The following ANKRD55 variants were observed in gnomAD, a reference collection of about 807,000 sequenced individuals.
ANKRD55 encodes the protein ankyrin repeat domain-containing protein 55.
Under a neutral mutation model 60.6 loss-of-function variants are expected in ANKRD55, and 41 were observed. The observed-to-expected ratio is 0.68, with a 90% CI of 0.53 to 0.88. The LOEUF (loss-of-function observed/expected upper bound fraction) is 0.88. Ranked by LOEUF, ANKRD55 falls within the 40% of genes least tolerant of loss-of-function variation. ANKRD55 has a pLI of 0.00. For missense variants in ANKRD55, 732 were observed against 767.6 expected (o/e 0.95, Z 0.55); for synonymous variants, 264 against 290.3 (o/e 0.91, Z 0.92).
chr5:56,221,869 C>T (rs1168974936), intron 2 of ANKRD55, among the ~76,000 whole-genome samples: 1 of 152,220 alleles, frequency 6.6e-6, no homozygotes, highest in Non-Finnish European at 1.5e-5. Context: ...GGGTGGAGCC[C>T]ACCGCAGTTC....
Position 56,166,254 on chromosome 5 carries a change from TTTCC to T in ANKRD55, c.422+4436_422+4439del, listed in dbSNP as rs201171927. 6.6e-3 allele frequency among the ~76,000 whole-genome samples: 967 copies of T among 145,474 alleles called. 27 individuals carry two copies. The highest frequency in any genetic ancestry group is 0.023 in the African/African-American group (871 of 38,234). On this transcript the variant is annotated intron_variant, in intron 5 of 11. Coordinates refer to ENST00000341048, the MANE Select transcript of ANKRD55 (RefSeq NM_024669.3). ...CTTTCTCTCTATCTTTCTCTCTTTC[TTTCC>T]TTCCTTCCTTCCTTCCTTCCTTCGG...
chr5:56,167,174 GT>G (rs1235665186), intron 5 of ANKRD55, among the ~76,000 whole-genome samples: 4 of 152,178 alleles, frequency 2.6e-5, no homozygotes, highest in Admixed American at 2.6e-4. Flanking sequence ...GAAATGTGTC[GT>G]TTGGCGATTT....
chr5:56,210,035 T>C (rs1265884759), intron 2 of ANKRD55, among the ~76,000 whole-genome samples: 1 of 151,832 alleles, frequency 6.6e-6, no homozygotes, highest in Non-Finnish European at 1.5e-5. Context: ...TGAGATGGAG[T>C]CTCGTTCTGT....
intron 2 of ANKRD55, among the ~76,000 whole-genome samples, chr5:56,206,227 T>A (rs1759505724): frequency 6.6e-6 from 1 of 152,082 alleles, no homozygotes; most frequent in Non-Finnish European, 1.5e-5. Flanking sequence ...TTTTCCTCCC[T>A]CAGCCTCCTA....
intron 4 of ANKRD55, among the ~76,000 whole-genome samples, chr5:56,173,582 CTATATATATA>C (rs1182603115): frequency 1.8e-4 from 8 of 45,240 alleles, no homozygotes; most frequent in African/African-American, 6.1e-4. Context: ...CTCTCTCTCT[CTATATATATA>C]TATATATATA....
intron 2 of ANKRD55, among the ~76,000 whole-genome samples, chr5:56,223,003 T>C (rs1332414012): frequency 1.3e-5 from 2 of 152,040 alleles, no homozygotes; most frequent in Non-Finnish European, 2.9e-5. Flanking sequence ...ATACAGAGAA[T>C]GCCACAAAGA....
At chr5:56,205,146 C>T (rs543433679) in intron 2 of ANKRD55, among the ~76,000 whole-genome samples, 4 of 152,244 alleles carry the variant, frequency 2.6e-5, no homozygotes, top group East Asian at 1.9e-4. Context: ...CTGCAAGCTC[C>T]GCTTCCTGGG....
chr5:56,212,172 A>G (rs962491503), intron 2 of ANKRD55, among the ~76,000 whole-genome samples: 13 of 152,148 alleles, frequency 8.5e-5, no homozygotes, highest in African/African-American at 3.1e-4. Context: ...TCAGTTGGGT[A>G]TTGAAATAAA....
intron 9 of ANKRD55, among the ~76,000 whole-genome samples, chr5:56,113,986 C>A (rs1308806396): frequency 3.6e-5 from 5 of 139,150 alleles, no homozygotes; most frequent in African/African-American, 5.2e-5. Context: ...AATATGTATA[C>A]TATATATATA....
chr5:56,165,761 C>A (rs1008888719), intron 5 of ANKRD55, among the ~76,000 whole-genome samples: 1 of 152,078 alleles, frequency 6.6e-6, no homozygotes, highest in African/African-American at 2.4e-5. Flanking sequence ...GAAACCCCAT[C>A]TCTACTAAAA....
chr5:56,129,392 T>C (rs1474398787), intron 7 of ANKRD55, among the ~76,000 whole-genome samples: 1 of 152,252 alleles, frequency 6.6e-6, no homozygotes, highest in East Asian at 1.9e-4. Flanking sequence ...AGTTTGTTTT[T>C]GTTGTATTTA....
intron 2 of ANKRD55, among the ~76,000 whole-genome samples, chr5:56,228,709 GC>G (rs1760176862): frequency 6.6e-6 from 1 of 152,172 alleles, no homozygotes; most frequent in African/African-American, 2.4e-5. Flanking sequence ...ACAGGCATGA[GC>G]CACTGCACCC....
intron 2 of ANKRD55, among the ~76,000 whole-genome samples, chr5:56,190,271 T>G (rs1561286570): frequency 6.6e-6 from 1 of 152,236 alleles, no homozygotes; most frequent in Non-Finnish European, 1.5e-5. Flanking sequence ...TCTCATTCTG[T>G]GGGTTGCCTT....
chr5:56,119,767 T>C (rs1012563257), intron 8 of ANKRD55, among the ~76,000 whole-genome samples: 8 of 151,352 alleles, frequency 5.3e-5, no homozygotes, highest in Non-Finnish European at 7.4e-5. Flanking sequence ...AATATAAAAA[T>C]TAGTTGGATG....
intron 7 of ANKRD55, among the ~76,000 whole-genome samples, chr5:56,132,424 C>CAAAAAAAAAAAAAAAAAAAAAAAAAAA (rs34289990): frequency 3.3e-5 from 4 of 120,372 alleles, no homozygotes; most frequent in African/African-American, 1.5e-4. Flanking sequence ...ACTTAAAATA[C>CAAAAAAAAAAAAAAAAAAAAAAAAAAA]AAAAAAAAAA....
intron 7 of ANKRD55, among the ~76,000 whole-genome samples, chr5:56,142,379 TCC>T (rs1561267547): frequency 1.3e-5 from 2 of 152,004 alleles, no homozygotes; most frequent in African/African-American, 2.4e-5. Flanking sequence ...ACCCAGCGAT[TCC>T]ACCCTGTGAG....
intron 2 of ANKRD55, chr5:56,192,963 G>A (rs1759137065): frequency 1.4e-6 from 1 of 695,804 alleles, no homozygotes; most frequent in Non-Finnish European, 2.4e-6. Context: ...ACCAAAGCAG[G>A]CAGAGATGAG....
At chr5:56,103,367 G>A (rs539134795) in intron 10 of ANKRD55, among the ~76,000 whole-genome samples, 2 of 152,182 alleles carry the variant, frequency 1.3e-5, no homozygotes, top group Non-Finnish European at 2.9e-5. Flanking sequence ...CTCCTGGAAA[G>A]CTAGCTGTTA....
At chr5:56,162,722 T>G (rs972934268) in intron 5 of ANKRD55, among the ~76,000 whole-genome samples, 1 of 150,500 alleles carries the variant, frequency 6.6e-6, no homozygotes, top group African/African-American at 2.5e-5. Context: ...CAGGCTGGAG[T>G]GCAGTGGCAC....
Sources: gnomAD v4.1 joint callset for allele counts (sites outside exome capture counted in the v4.1 genomes callset) on GRCh38, gnomAD v4.1.1 for gene constraint, MANE v1.5 for transcripts, NCBI Gene and HGNC (gene_info 2026-07-23, HGNC 2026-07-21) for gene names.